Variants in C12orf42 observed in about 807,000 individuals in gnomAD.
C12orf42 encodes chromosome 12 open reading frame 42.
In C12orf42, 25 loss-of-function variants were observed where a neutral mutation model predicts 21.6. That is an observed-to-expected ratio of 1.16 (90% CI 0.84 to 1.62). The LOEUF is 1.62. Ranked by LOEUF, C12orf42 falls within the 40% of genes most tolerant of loss-of-function variation. The probability of loss-of-function intolerance (pLI) is 0.00; values close to 1 mark genes in which losing one functional copy is unlikely to be tolerated. For missense variants in C12orf42, 483 were observed against 459.3 expected (o/e 1.05, Z -0.47); for synonymous variants, 174 against 175.0 (o/e 0.99, Z 0.05).
chr12:103,183,459 TTTTTA>T, the C12orf42 span, among the ~76,000 whole-genome samples: 2 of 152,224 alleles, frequency 1.3e-5, no homozygotes, highest in African/African-American at 2.4e-5. Flanking sequence ...TTTATCTTTA[TTTTTA>T]TTTTGTCAGT....
chr12:103,511,298 A>G, the C12orf42 span, among the ~76,000 whole-genome samples: 15,329 of 151,666 alleles, frequency 0.1, 1,003 homozygotes, highest in South Asian at 0.27. Context: ...AAGTCCAAAT[A>G]AAAGAGAACA....
At chr12:103,164,620 T>C in the C12orf42 span, 1 of 429,754 alleles carries the variant, frequency 2.3e-6, no homozygotes, top group South Asian at 1.7e-5. Context: ...ATTTTCCATA[T>C]ACTTATACTA....
the C12orf42 span, among the ~76,000 whole-genome samples, chr12:103,089,681 T>C: frequency 1.3e-5 from 2 of 151,628 alleles, no homozygotes; most frequent in African/African-American, 2.4e-5. Flanking sequence ...TCTTGATTCA[T>C]AGTGAAATTA....
intron 1 of C12orf42, among the ~76,000 whole-genome samples, chr12:103,480,421 T>C (rs1480826260): frequency 6.6e-6 from 1 of 151,740 alleles, no homozygotes; most frequent in Non-Finnish European, 1.5e-5. Flanking sequence ...TTTATATGTT[T>C]ATTTTCTAAT....
chr12:103,063,015 G>T, the C12orf42 span, among the ~76,000 whole-genome samples: 1 of 152,142 alleles, frequency 6.6e-6, no homozygotes, highest in Non-Finnish European at 1.5e-5. Flanking sequence ...GGCATGAATT[G>T]TTTAGAAAGT....
chr12:103,329,564 A>C (rs1042925403), intron 4 of C12orf42, among the ~76,000 whole-genome samples: 1 of 152,140 alleles, frequency 6.6e-6, no homozygotes, highest in Admixed American at 6.5e-5. Context: ...TAAAATTAAA[A>C]AAAGAATTAA....
intron 3 of C12orf42, among the ~76,000 whole-genome samples, chr12:103,392,065 C>A (rs2138469042): frequency 6.6e-6 from 1 of 152,252 alleles, no homozygotes; most frequent in South Asian, 2.1e-4. Flanking sequence ...TTTCCCACAA[C>A]AATTTGTTGA....
chr12:103,527,171 C>A, the C12orf42 span, among the ~76,000 whole-genome samples: 1 of 151,958 alleles, frequency 6.6e-6, no homozygotes, highest in African/African-American at 2.4e-5. Context: ...AGAAAGATTT[C>A]CTTACCAAAA....
At chr12:103,557,992 T>C in the C12orf42 span, 2 of 152,184 alleles carry the variant, frequency 1.3e-5, no homozygotes, top group African/African-American at 4.8e-5. Flanking sequence ...CAAGGATACA[T>C]ACATTGCGCT....
chr12:103,481,985 T>C (rs1177312772), intron 1 of C12orf42, among the ~76,000 whole-genome samples: 1 of 151,996 alleles, frequency 6.6e-6, no homozygotes, highest in African/African-American at 2.4e-5. Context: ...TAAAACAAGG[T>C]TCTTTAACAT....
the C12orf42 span, among the ~76,000 whole-genome samples, chr12:103,057,754 C>T: frequency 2.6e-5 from 4 of 152,184 alleles, no homozygotes; most frequent in East Asian, 7.7e-4. Flanking sequence ...ATTTCTGATT[C>T]TAGATCCTTG....
chr12:103,373,002 T>C (rs1476387119), intron 3 of C12orf42, among the ~76,000 whole-genome samples: 1 of 152,192 alleles, frequency 6.6e-6, no homozygotes, highest in African/African-American at 2.4e-5. Flanking sequence ...ATGGACCAGA[T>C]GCATTTTGCT....
intron 2 of C12orf42, among the ~76,000 whole-genome samples, chr12:103,434,523 G>T (rs1046355127): frequency 2.9e-4 from 44 of 152,096 alleles, no homozygotes; most frequent in Non-Finnish European, 1.0e-4. Context: ...CCAGACAGTG[G>T]GTGCAGGTCA....
chr12:103,520,729 A>C, the C12orf42 span, among the ~76,000 whole-genome samples: 141 of 152,310 alleles, frequency 9.3e-4, no homozygotes, highest in Non-Finnish European at 1.7e-3. Context: ...CTTAACTGAA[A>C]TAATGGCCTG....
chr12:103,194,058 A>G, the C12orf42 span, among the ~76,000 whole-genome samples: 2 of 152,198 alleles, frequency 1.3e-5, no homozygotes, highest in East Asian at 3.8e-4. Context: ...CACATTAACA[A>G]ATGAAGGATA....
chr12:103,404,143 T>C (rs2048249052), intron 2 of C12orf42, among the ~76,000 whole-genome samples: 1 of 152,224 alleles, frequency 6.6e-6, no homozygotes, highest in African/African-American at 2.4e-5. Flanking sequence ...TAAAGCATTA[T>C]TGAGACATAA....
chr12:103,403,035 C>T (rs1283467921), intron 2 of C12orf42, among the ~76,000 whole-genome samples: 2 of 152,154 alleles, frequency 1.3e-5, no homozygotes, highest in South Asian at 2.1e-4. Flanking sequence ...GTATCCCTGA[C>T]ATCAACTCTG....
the C12orf42 span, among the ~76,000 whole-genome samples, chr12:103,230,124 C>T: frequency 6.6e-6 from 1 of 151,290 alleles, no homozygotes; most frequent in Non-Finnish European, 1.5e-5. Context: ...TGGCTGAAAA[C>T]AACACACAAT....
chr12:103,316,554 C>A (rs926767770), intron 4 of C12orf42, among the ~76,000 whole-genome samples: 1 of 151,934 alleles, frequency 6.6e-6, no homozygotes, highest in Non-Finnish European at 1.5e-5. Context: ...TTTTTTGTCT[C>A]ATTCTTGATT....
Sources: gnomAD v4.1 joint callset for allele counts (sites outside exome capture counted in the v4.1 genomes callset) on GRCh38, gnomAD v4.1.1 for gene constraint, MANE v1.5 for transcripts, NCBI Gene and HGNC (gene_info 2026-07-23, HGNC 2026-07-21) for gene names.